Variants in MAP3K3 observed in about 807,000 individuals in gnomAD.
MAP3K3 encodes the protein mitogen-activated protein kinase kinase kinase 3.
Under a neutral mutation model 80.9 loss-of-function variants are expected in MAP3K3, and 12 were observed. That is an observed-to-expected ratio of 0.15 (90% confidence interval 0.10 to 0.24). MAP3K3 has a LOEUF of 0.24. Ranked by LOEUF, MAP3K3 falls within the 10% of genes least tolerant of loss-of-function variation. The pLI, the probability that MAP3K3 is intolerant of heterozygous loss-of-function variation, is 1.00. For missense variants in MAP3K3, 596 were observed against 834.7 expected, an observed-to-expected ratio of 0.71 and a Z score of 3.52; for synonymous variants, 272 against 307.1, an observed-to-expected ratio of 0.89 and a Z score of 1.19.
At chr17:63,623,238 A>T (rs900465474) in intron 1 of MAP3K3, among the ~76,000 whole-genome samples, 4 of 151,982 alleles carry the variant, frequency 2.6e-5, no homozygotes, top group African/African-American at 9.7e-5. Flanking sequence ...CCGGCCTGTG[A>T]GAGTTCCCGG....
intron 6 of MAP3K3, among the ~76,000 whole-genome samples, chr17:63,676,111 C>T (rs1291005259): frequency 6.6e-6 from 1 of 152,196 alleles, no homozygotes; most frequent in Non-Finnish European, 1.5e-5. Flanking sequence ...TTTCCTGCTC[C>T]AGCCTGTGGG....
At chr17:63,688,314 T>G in intron 8 of MAP3K3, 1 of 593,472 alleles carries the variant, frequency 1.7e-6, no homozygotes, top group South Asian at 1.9e-5. Context: ...TGGGGGAGAT[T>G]TACCACTCAG....
rs2035621869 is a variant in MAP3K3, at chr17:63,692,870, A to G, written c.1652+451A>G. On this transcript the variant is annotated intron_variant, in intron 15 of 15. Transcript: ENST00000361733. This position sits in a 1 kb window ranked among gnomAD's most constrained non-coding sequence, Gnocchi z 4.5. ...GGGCTGAATAATGGCCCCCCCAAAG[A>G]TGTCCACTGCCTAATCCCTGGATCT... Among the ~76,000 whole-genome samples, 2 of 152,218 alleles carry G rather than the reference A, an allele frequency of 1.3e-5. No individual in the cohort carries two copies. Among genetic ancestry groups the G allele is most frequent in the Non-Finnish European group, 2.9e-5 (2 of 68,026 alleles).
At chr17:63,666,780 C>T (rs1598097623) in intron 5 of MAP3K3, among the ~76,000 whole-genome samples, 160 bp from the exon 6 acceptor site, 1 of 152,102 alleles carries the variant, frequency 6.6e-6, no homozygotes, top group African/African-American at 2.4e-5. Context: ...TTTGCTGAGA[C>T]AAATAGAAGA....
At chr17:63,662,047 G>A (rs1022380106) in intron 5 of MAP3K3, among the ~76,000 whole-genome samples, 5 of 152,110 alleles carry the variant, frequency 3.3e-5, no homozygotes, top group Middle Eastern at 3.4e-3. Context: ...AGCTTGCAGT[G>A]AGCCAGGATT....
At chr17:63,633,651 CT>C (rs1346923908) in intron 2 of MAP3K3, among the ~76,000 whole-genome samples, 1 of 152,132 alleles carries the variant, frequency 6.6e-6, no homozygotes, top group African/African-American at 2.4e-5. Flanking sequence ...AACATTTAAA[CT>C]TGTGTGTCAT....
At chr17:63,688,651 G>A in intron 9 of MAP3K3, 57 bp downstream of exon 9, 1 of 1,550,116 alleles carries the variant, frequency 6.5e-7, no homozygotes, top group Non-Finnish European at 8.9e-7. Context: ...GGCCTCAGGT[G>A]GCTCTGCTTC....
intron 6 of MAP3K3, among the ~76,000 whole-genome samples, chr17:63,674,631 A>T (rs1055899652): frequency 1.3e-5 from 2 of 152,106 alleles, no homozygotes; most frequent in African/African-American, 4.8e-5. Flanking sequence ...GATTATAGGT[A>T]TGAGCCACCA....
chr17:63,658,496 C>G (rs1236384639), intron 5 of MAP3K3, among the ~76,000 whole-genome samples: 1 of 152,196 alleles, frequency 6.6e-6, no homozygotes, highest in Non-Finnish European at 1.5e-5. Flanking sequence ...TGAAGGATTC[C>G]TGGAGGCCCG....
intron 5 of MAP3K3, among the ~76,000 whole-genome samples, chr17:63,662,244 GAAA>G (rs35789105): frequency 4.9e-5 from 4 of 81,162 alleles, no homozygotes; most frequent in Non-Finnish European, 1.0e-4. Context: ...TGTCTCTATT[GAAA>G]AAAAAAAAAA....
At chr17:63,660,773 T>C (rs1434806523) in intron 5 of MAP3K3, among the ~76,000 whole-genome samples, 1 of 151,564 alleles carries the variant, frequency 6.6e-6, no homozygotes, top group Non-Finnish European at 1.5e-5. Context: ...TGTATTTTTT[T>C]TTAGTAGAGA....
At chr17:63,649,330 G>A (rs1007496819) in intron 3 of MAP3K3, among the ~76,000 whole-genome samples, 6 of 151,866 alleles carry the variant, frequency 4.0e-5, no homozygotes, top group South Asian at 2.1e-4. Context: ...CCAGCTACTC[G>A]GGAGGCTGAG....
chr17:63,688,283 C>T (rs759627537), intron 8 of MAP3K3: 2 of 563,806 alleles, frequency 3.5e-6, no homozygotes, highest in South Asian at 4.0e-5. Flanking sequence ...GGCTGTGCAG[C>T]CAGGCTGGAG....
At chr17:63,635,970 G>A (rs778214636) in intron 2 of MAP3K3, among the ~76,000 whole-genome samples, 1 of 152,168 alleles carries the variant, frequency 6.6e-6, no homozygotes, top group Non-Finnish European at 1.5e-5. Flanking sequence ...TTATTCAAGG[G>A]TGGAATGGGG....
intron 8 of MAP3K3, 114 bp from the exon 9 acceptor site, chr17:63,688,413 C>A: frequency 1.2e-6 from 1 of 816,028 alleles, no homozygotes; most frequent in Non-Finnish European, 2.1e-6. Flanking sequence ...CCCGCAAAAT[C>A]TGCTTCCCCC....
chr17:63,662,009 A>T (rs1186903594), intron 5 of MAP3K3, among the ~76,000 whole-genome samples: 1 of 152,162 alleles, frequency 6.6e-6, no homozygotes, highest in African/African-American at 2.4e-5. Flanking sequence ...AGGCTGAGGC[A>T]GGAGAATGAC....
chr17:63,680,803 G>GTTT (rs145718559), intron 6 of MAP3K3, among the ~76,000 whole-genome samples: 1 of 140,542 alleles, frequency 7.1e-6, no homozygotes, highest in African/African-American at 2.6e-5. Flanking sequence ...GGTGTTTTGG[G>GTTT]TTTTTTTTTT....
chr17:63,652,015 T>C (rs1036589888), intron 3 of MAP3K3, among the ~76,000 whole-genome samples: 4 of 152,236 alleles, frequency 2.6e-5, no homozygotes, highest in Middle Eastern at 3.2e-3. Context: ...CCTTATTTCC[T>C]AAATAATTTT....
In MAP3K3 at chr17:63,657,823, T is replaced by A; in HGVS notation, c.297T>A (p.Asp99Glu). ...CCATCCTGCTGAAAAACCAAGATGA[T>A]CTTGATAAAGCAATTGACATTTTAG... is the stretch of plus-strand genomic sequence containing the variant. ...ELSILLKNQDDLDKAIDILDR... is the reference protein window; with the variant it reads ...ELSILLKNQDELDKAIDILDR... The change falls in exon 5 of 16, where the codon GAT becomes GAA. Residue 99 changes from aspartate to glutamate, a missense_variant. Transcript: ENST00000361733. The A allele has an allele frequency of 1.2e-6, 2 of 1,602,966 alleles. No individual in the cohort carries two copies. The highest frequency in any genetic ancestry group is 1.7e-6 in the Non-Finnish European group (2 of 1,172,480).
Sources: gnomAD v4.1 joint callset for allele counts (sites outside exome capture counted in the v4.1 genomes callset) on GRCh38, gnomAD v4.1.1 for gene constraint, Gnocchi (gnomAD v3.1) non-coding constraint, MANE v1.5 for transcripts, NCBI Gene and HGNC (gene_info 2026-07-23, HGNC 2026-07-21) for gene names.